Variants in TBC1D13 observed in about 807,000 individuals in gnomAD.
TBC1D13 encodes the protein epididymis secretory sperm binding protein.
Under a neutral mutation model 53.6 loss-of-function variants are expected in TBC1D13, and 40 were observed. The observed-to-expected ratio is 0.75, with a 90% CI of 0.58 to 0.97. The LOEUF (loss-of-function observed/expected upper bound fraction) is 0.97. TBC1D13 is among the 50% of genes least tolerant of loss of function. The pLI, the probability that TBC1D13 is intolerant of heterozygous loss-of-function variation, is 0.00. For missense variants in TBC1D13, 377 were observed against 499.4 expected, an observed-to-expected ratio of 0.75 and a Z score of 2.34; for synonymous variants, 182 against 197.7, an observed-to-expected ratio of 0.92 and a Z score of 0.67.
chr9:128,797,555 C>T (rs921663516), intron 7 of TBC1D13, among the ~76,000 whole-genome samples: 5 of 152,166 alleles, frequency 3.3e-5, no homozygotes, highest in African/African-American at 4.8e-5. Context: ...GTAATCCCAG[C>T]GCTTTGGGAG....
chr9:128,797,303 C>A, intron 7 of TBC1D13, 89 bp downstream of exon 7: 1 of 1,381,440 alleles, frequency 7.2e-7, no homozygotes, highest in Non-Finnish European at 1.0e-6. Context: ...GGTGTCGGGC[C>A]ATGACCATCT....
At chr9:128,796,665 T>G (rs1268222774) in intron 6 of TBC1D13, among the ~76,000 whole-genome samples, 1 of 151,964 alleles carries the variant, frequency 6.6e-6, no homozygotes, top group East Asian at 1.9e-4. Context: ...GCTGGCCAGG[T>G]ACAGTGGCTC....
chr9:128,795,987 CT>C (rs1829623123), intron 6 of TBC1D13, among the ~76,000 whole-genome samples: 1 of 152,166 alleles, frequency 6.6e-6, no homozygotes, highest in Non-Finnish European at 1.5e-5. Flanking sequence ...AAGTATATAT[CT>C]ATTTGCAAAT....
At chr9:128,804,201 G>A (rs1316639403) in intron 9 of TBC1D13, 82 bp downstream of exon 9, 12 of 1,515,396 alleles carry the variant, frequency 7.9e-6, no homozygotes, top group Admixed American at 3.7e-5. Context: ...GCGAGGTCTC[G>A]CTTGAGTCTG....
intron 7 of TBC1D13, among the ~76,000 whole-genome samples, chr9:128,799,747 A>G (rs1188841990): frequency 6.6e-6 from 1 of 152,238 alleles, no homozygotes; most frequent in African/African-American, 2.4e-5. Context: ...GTTAAGGGCC[A>G]GGCGTGGCTC....
At position 128,807,857 on chromosome 9, in the gene TBC1D13, A is replaced by G. The variant is rs1233206221; in HGVS notation, c.1181A>G (p.Lys394Arg). 4 of 1,614,172 alleles carry G rather than the reference A, an allele frequency of 2.5e-6. No homozygotes were observed. Among genetic ancestry groups the G allele is most frequent in the Non-Finnish European group, 2.5e-6 (3 of 1,180,036 alleles). Residue 394 changes from lysine (K) to arginine (R), a missense_variant, in exon 12 of 12, where the codon AAG becomes AGG. Transcript: ENST00000372648. ...TDVCQILQKA[K>R]ELQDSK is the part of the protein sequence containing the mutation. Reference sequence around the variant, plus strand: ...GTCTGCCAGATCCTGCAGAAAGCCAAGGAGCTCCAAGACTCAAAGTAGCCC... The same window carrying G: ...GTCTGCCAGATCCTGCAGAAAGCCAGGGAGCTCCAAGACTCAAAGTAGCCC...
intron 6 of TBC1D13, 76 bp downstream of exon 6, chr9:128,792,650 G>A: frequency 7.3e-7 from 1 of 1,375,816 alleles, no homozygotes; most frequent in Non-Finnish European, 1.0e-6. Flanking sequence ...TTTTCCATTT[G>A]CAGGCCGGGC....
At chr9:128,799,557 G>T (rs972704805) in intron 7 of TBC1D13, among the ~76,000 whole-genome samples, 2 of 152,208 alleles carry the variant, frequency 1.3e-5, no homozygotes, top group African/African-American at 4.8e-5. Flanking sequence ...TTGGGAGTCA[G>T]CCAGTTCAGG....
intron 2 of TBC1D13, among the ~76,000 whole-genome samples, chr9:128,788,864 G>A (rs1251322667): frequency 6.6e-6 from 1 of 152,176 alleles, no homozygotes; most frequent in Admixed American, 6.6e-5. Context: ...TTGGCTAGTG[G>A]TAAAATGGGT....
At chr9:128,806,116 CT>C in intron 10 of TBC1D13, 97 bp downstream of exon 10, 1 of 1,584,386 alleles carries the variant, frequency 6.3e-7, no homozygotes, top group South Asian at 1.1e-5. Flanking sequence ...CAGGGCTGCT[CT>C]TTCATGGCTG....
intron 4 of TBC1D13, 72 bp from the exon 5 acceptor site, chr9:128,791,522 G>C (rs1161347158): frequency 1.9e-6 from 3 of 1,609,252 alleles, no homozygotes; most frequent in African/African-American, 2.7e-5. Flanking sequence ...CCTGCCTCCT[G>C]CGGCTGCTGC....
chr9:128,790,689 C>T, intron 2 of TBC1D13, 46 bp from the exon 3 acceptor site: 2 of 1,524,702 alleles, frequency 1.3e-6, no homozygotes, highest in Non-Finnish European at 1.8e-6. Flanking sequence ...GCTGGGGGTT[C>T]TGGGACTCTG....
intron 7 of TBC1D13, among the ~76,000 whole-genome samples, chr9:128,800,759 T>G (rs1829717993): frequency 6.6e-6 from 1 of 152,210 alleles, no homozygotes; most frequent in Non-Finnish European, 1.5e-5. Context: ...GCAACAGTTG[T>G]TAACGTTTTT....
intron 7 of TBC1D13, 144 bp downstream of exon 7, chr9:128,797,358 G>A (rs924419748): frequency 1.1e-6 from 1 of 902,624 alleles, no homozygotes; most frequent in Non-Finnish European, 1.6e-6. Context: ...CAGATCCTGG[G>A]GTGCTTTCTA....
At chr9:128,800,358 A>G (rs1829710639) in intron 7 of TBC1D13, among the ~76,000 whole-genome samples, 1 of 127,912 alleles carries the variant, frequency 7.8e-6, no homozygotes, top group South Asian at 2.5e-4. Flanking sequence ...CTCTTTATTT[A>G]TCTTCCAACT....
chr9:128,787,721 C>G (rs549975184), intron 1 of TBC1D13, among the ~76,000 whole-genome samples: 54 of 151,036 alleles, frequency 3.6e-4, no homozygotes, highest in African/African-American at 1.3e-3. Flanking sequence ...CCCTGTCCCC[C>G]GTGCCTTTTT....
Position 128,790,731 on chromosome 9 carries a change from A to G in TBC1D13, c.98-4A>G, listed in dbSNP as rs1829517786. ...GGCATGACCTTTGCCTGCTGTGTCC[A>G]CAGGCATCCCCTGTGAGGGCGGACT... On this transcript the variant is annotated splice_polypyrimidine_tract_variant and splice_region_variant and intron_variant, in intron 2 of 11. Transcript: ENST00000372648. 1 of 1,551,008 alleles carries G rather than the reference A, an allele frequency of 6.4e-7. No individual in the cohort carries two copies. The highest frequency in any genetic ancestry group is 1.2e-5 in the South Asian group (1 of 82,428).
Position 128,797,108 on chromosome 9 carries a change from T to G in TBC1D13, c.437T>G (p.Leu146Arg), listed in dbSNP as rs900174720. ...FFQRATDYPC[L>R]LILDPQNEFE... ...CAGAGGGCCACTGACTACCCTTGCC[T>G]CCTCATCCTGGACCCCCAGAATGAG... Residue 146 changes from leucine (L) to arginine (R), a missense_variant, in exon 7 of 12, where the codon CTC (leucine) becomes CGC (arginine). Physicochemically the swap from Leu to Arg is moderately radical, Grantham distance 102. Transcript: ENST00000372648. 1 of 1,613,914 alleles carries G rather than the reference T, an allele frequency of 6.2e-7. No individual in the cohort carries two copies.
intron 11 of TBC1D13, among the ~76,000 whole-genome samples, chr9:128,807,314 T>A (rs1564427799): frequency 6.6e-6 from 1 of 152,112 alleles, no homozygotes; most frequent in Non-Finnish European, 1.5e-5. Flanking sequence ...CTCGAACTCC[T>A]GACCTCAGGT....
Sources: allele counts gnomAD v4.1 joint callset (sites outside exome capture counted in the v4.1 genomes callset), GRCh38; gene constraint gnomAD v4.1.1; transcripts MANE v1.5; gene names NCBI Gene and HGNC (gene_info 2026-07-23, HGNC 2026-07-21).